Variants in ZNF641 observed in about 807,000 individuals in gnomAD.
ZNF641 encodes zinc finger protein 641.
Under a neutral mutation model 46.2 loss-of-function variants are expected in ZNF641, and 26 were observed. The ratio of observed to expected loss-of-function variants is 0.56; its 90% CI spans 0.41 to 0.78. ZNF641 has a LOEUF of 0.78. ZNF641 is among the 30% of genes least tolerant of loss of function. The probability of loss-of-function intolerance (pLI) is 0.00; values close to 1 mark genes in which losing one functional copy is unlikely to be tolerated. For synonymous variants in ZNF641, 163 were observed against 187.9 expected (o/e 0.87, Z 1.09); for missense variants, 469 against 517.8 (o/e 0.91, Z 0.91).
In ZNF641 at chr12:48,341,405, C is replaced by T. The variant is rs1352623128; in HGVS notation, c.*1568G>A. On this transcript the variant is annotated 3_prime_UTR_variant, in exon 6 of 6. Coordinates refer to ENST00000547026, the MANE Select transcript of ZNF641 (RefSeq NM_001172681.2). ...ATTATTGATAAAGAGAAACAATGAC[C>T]AACTCATTAGCTAACGATGCTAGAA... 2.0e-6 allele frequency: 2 copies of T among 985,232 alleles called. No individual in the cohort carries two copies. The highest frequency in any genetic ancestry group is 1.2e-6 in the Non-Finnish European group (1 of 829,940). 61.0% of individuals were successfully genotyped at this position (985,232 alleles called of 1,614,324 possible). A position where few individuals can be genotyped will look rare whatever the true frequency, so the allele number is the denominator to read the frequency against.
Position 48,343,664 on chromosome 12 carries a change from G to C in ZNF641, c.584C>G (p.Ser195Cys), listed in dbSNP as rs1478424612. The change falls in exon 6 of 6, where the codon TCC becomes TGC. Residue 195 changes from serine to cysteine, a missense_variant. By Grantham distance (112) the Ser-to-Cys change is moderately radical. This residue lies in a region of ZNF641 where 346 missense variants were observed against 354.0 expected (regional missense o/e 0.98). Transcript: ENST00000547026. ...ELEAEPPRML[S>C]SVSEDTVLWN... The stretch of plus-strand genomic sequence containing the variant: ...GAGAACAGTATCTTCAGACACGCTG[G>C]ATAACATTCTGGGAGGTTCTGCTTC... The C allele has an allele frequency of 1.3e-6, 2 of 1,555,884 alleles. No individual in the cohort carries two copies. Among genetic ancestry groups the C allele is most frequent in the Non-Finnish European group, 1.7e-6 (2 of 1,152,942 alleles).
chr12:48,341,213 G>A lies in ZNF641; in HGVS notation c.*1760C>T. On this transcript the variant is annotated 3_prime_UTR_variant, in exon 6 of 6. Transcript: ENST00000547026. ...AAATTGGTGCAATTCACTTCCTCTTGCCTCTCTGGTTCATTCCACCAATTG... is the reference window on the plus strand; with the variant it reads ...AAATTGGTGCAATTCACTTCCTCTTACCTCTCTGGTTCATTCCACCAATTG... 1.0e-6 allele frequency: 1 copy of A among 985,428 alleles called. No homozygotes were observed. The highest frequency in any genetic ancestry group is 1.2e-6 in the Non-Finnish European group (1 of 829,932). 61.0% of individuals were successfully genotyped at this position (985,428 alleles called of 1,614,324 possible). A position where few individuals can be genotyped will look rare whatever the true frequency, so the allele number is the denominator to read the frequency against.
Position 48,340,397 on chromosome 12 carries a change from A to C in ZNF641, c.*2576T>G. 2.0e-6 allele frequency: 2 copies of C among 985,452 alleles called. No homozygotes were observed. Among genetic ancestry groups the C allele is most frequent in the Non-Finnish European group, 1.2e-6 (1 of 829,934 alleles). 61.0% of individuals were successfully genotyped at this position (985,452 alleles called of 1,614,324 possible). A position where few individuals can be genotyped will look rare whatever the true frequency, so the allele number is the denominator to read the frequency against. The stretch of plus-strand genomic sequence containing the variant: ...CTAATAGTAAGGAATATCACTTCCC[A>C]CAAGTCCTTCAAACAAGATTTGTGA... On this transcript the variant is annotated 3_prime_UTR_variant, in exon 6 of 6. Transcript: ENST00000547026.
chr12:48,334,852 C>G (rs1437991582), downstream of ZNF641, among the ~76,000 whole-genome samples: 1 of 152,126 alleles, frequency 6.6e-6, no homozygotes, highest in Non-Finnish European at 1.5e-5. Flanking sequence ...GGGACCGCAC[C>G]TGTACCCTCC....
Position 48,343,155 on chromosome 12 carries a change from T to TC in ZNF641, c.1092dup (p.Lys365GlufsTer28), listed in dbSNP as rs761502618. The stretch of plus-strand genomic sequence containing the variant: ...AGGTGGTGCCTTCGGCCAAAGCTCT[T>TC]CCCACATTCAGTGCACACGTGACAC... On this transcript the variant is annotated frameshift_variant, in exon 6 of 6. Coordinates refer to ENST00000547026, the MANE Select transcript of ZNF641 (RefSeq NM_001172681.2). LOFTEE classifies it high-confidence loss of function. The TC allele has an allele frequency of 6.2e-7, 1 of 1,614,194 alleles. No individual in the cohort carries two copies. The highest frequency in any genetic ancestry group is 8.5e-7 in the Non-Finnish European group (1 of 1,180,032).
rs2136180061 is a variant in ZNF641 at position 48,344,584 on chromosome 12, A to G, written c.520+15T>C. 1 of 1,546,444 alleles carries G rather than the reference A, an allele frequency of 6.5e-7. No individual in the cohort carries two copies. Among genetic ancestry groups the G allele is most frequent in the East Asian group, 2.2e-5 (1 of 44,516 alleles). ...CTGTGAAGGAAGTGGCTGAAAGCCT[A>G]TTCTAGGTTCTTACCTGTATATGTG... On this transcript the variant is annotated intron_variant, in intron 5 of 5. Coordinates refer to ENST00000547026, the MANE Select transcript of ZNF641 (RefSeq NM_001172681.2).
downstream of ZNF641, among the ~76,000 whole-genome samples, chr12:48,334,999 T>C (rs1470195752): frequency 6.6e-6 from 1 of 152,208 alleles, no homozygotes; most frequent in East Asian, 1.9e-4. Flanking sequence ...CCAGAGCTAA[T>C]TGTAATATCA....
At chr12:48,335,160 C>T (rs1186305144), downstream of ZNF641, among the ~76,000 whole-genome samples, 2 of 152,204 alleles carry the variant, frequency 1.3e-5, no homozygotes, top group African/African-American at 4.8e-5. Context: ...TCTTTTGCCA[C>T]ATAAAAAACC....
downstream of ZNF641, among the ~76,000 whole-genome samples, chr12:48,335,948 T>C (rs746893366): frequency 1.2e-4 from 18 of 152,248 alleles, no homozygotes; most frequent in Non-Finnish European, 2.4e-4. Context: ...CTGCTTAGTG[T>C]AATGCTGATC....
rs1277548784 is a variant in ZNF641 at position 48,337,615 on chromosome 12, T to C, written c.*5358A>G. 1 of 150,008 alleles carries C rather than the reference T, an allele frequency of 6.7e-6. No homozygotes were observed. Among genetic ancestry groups the C allele is most frequent in the African/African-American group, 2.5e-5 (1 of 40,554 alleles). 9.3% of individuals were successfully genotyped at this position (150,008 alleles called of 1,614,324 possible). A position where few individuals can be genotyped will look rare whatever the true frequency, so the allele number is the denominator to read the frequency against. ...GTGGGTGGATCACGAGGTCAAGAGATTGAGACCATCCTGGCTAACACCGTG... is the reference window on the plus strand; with the variant it reads ...GTGGGTGGATCACGAGGTCAAGAGACTGAGACCATCCTGGCTAACACCGTG... On this transcript the variant is annotated 3_prime_UTR_variant, in exon 6 of 6. Coordinates refer to ENST00000547026, the MANE Select transcript of ZNF641 (RefSeq NM_001172681.2).
chr12:48,350,921 C>CGGGCG (rs1162302278), upstream of ZNF641: 297 of 930,690 alleles, frequency 3.2e-4, no homozygotes, highest in Admixed American at 5.1e-3. Context: ...CCGGCAGGCG[C>CGGGCG]GGGCGGGGCG....
At chr12:48,335,540 G>A (rs539905777), downstream of ZNF641, among the ~76,000 whole-genome samples, 11 of 152,188 alleles carry the variant, frequency 7.2e-5, no homozygotes, top group African/African-American at 2.4e-4. Flanking sequence ...TGCAAGAACA[G>A]TAGCAGACAT....
At position 48,342,367 on chromosome 12, in the gene ZNF641, A is replaced by G; in HGVS notation, c.*606T>C. On this transcript the variant is annotated 3_prime_UTR_variant, in exon 6 of 6. Transcript: ENST00000547026. ...CCCCTGGCTTTCATATGGATAAAAA[A>G]GGGGGCTCTGGATGCCTGATCACTA... 1 of 985,766 alleles carries G rather than the reference A, an allele frequency of 1.0e-6. No homozygotes were observed. The highest frequency in any genetic ancestry group is 1.7e-5 in the African/African-American group (1 of 57,338). The allele number at this position is 985,766 out of a possible 1,614,324, so 61.1% of individuals were successfully genotyped here.
At position 48,343,389 on chromosome 12, in the gene ZNF641, A is replaced by C. The variant is rs1466742993; in HGVS notation, c.859T>G (p.Phe287Val). 1 of 1,614,012 alleles carries C rather than the reference A, an allele frequency of 6.2e-7. No individual in the cohort carries two copies. Among genetic ancestry groups the C allele is most frequent in the East Asian group, 2.2e-5 (1 of 44,844 alleles). Residue 287 changes from phenylalanine (F) to valine (V), a missense_variant, in exon 6 of 6, where the codon TTT becomes GTT. Around this residue, in one of 3 missense-constraint regions of ZNF641, gnomAD observed 346 missense variants for 354.0 expected, o/e 0.98. Coordinates refer to ENST00000547026, the MANE Select transcript of ZNF641 (RefSeq NM_001172681.2). ...CTGATGAGGTGATGTCTTCGCCCAAAGGTCTTCTCACACTTGAGGCAGCTG... is the reference window on the plus strand; with the variant it reads ...CTGATGAGGTGATGTCTTCGCCCAACGGTCTTCTCACACTTGAGGCAGCTG... ...PYSCLKCEKT[F>V]GRRHHLIRHQ...
At position 48,347,264 on chromosome 12, in the gene ZNF641, C is replaced by T. The variant is rs147559195; in HGVS notation, c.264G>A (p.Ala88=). The T allele has an allele frequency of 2.2e-5, 36 of 1,613,944 alleles. No individual in the cohort carries two copies. Among genetic ancestry groups the T allele is most frequent in the Middle Eastern group, 1.7e-4 (1 of 6,044 alleles). Residue 88 remains alanine, a synonymous_variant, in exon 3 of 6, where the codon GCG becomes GCA. Coordinates refer to ENST00000547026, the MANE Select transcript of ZNF641 (RefSeq NM_001172681.2). The part of the protein sequence containing the change: ...GDWEMAAALL[A]AGSQGLVTIK... Reference sequence around the variant, plus strand: ...AAGCAGAGCTCACCTGTGATCCAGCCGCAAGAAGTGCAGCTGCCATCTCCC... The same window carrying T: ...AAGCAGAGCTCACCTGTGATCCAGCTGCAAGAAGTGCAGCTGCCATCTCCC...
intron 3 of ZNF641, 192 bp downstream of exon 3, chr12:48,347,060 T>A: frequency 9.5e-7 from 1 of 1,053,562 alleles, no homozygotes; most frequent in African/African-American, 1.6e-5. Context: ...CTCAAGGAAT[T>A]CCCTTTCTTG....
intron 4 of ZNF641, 23 bp downstream of exon 4, chr12:48,345,322 T>A (rs1952838590): frequency 6.2e-7 from 1 of 1,612,742 alleles, no homozygotes; most frequent in South Asian, 1.1e-5. Context: ...AATCTTCTAG[T>A]GGCTGGAGAA....
rs1366818531 is a variant in ZNF641 at position 48,343,112 on chromosome 12, G to A, written c.1136C>T (p.Thr379Ile). Residue 379 changes from threonine (T) to isoleucine (I), a missense_variant, in exon 6 of 6, where the codon ACC becomes ATC. Thr to Ile is a moderately conservative substitution (Grantham distance 89). Coordinates refer to ENST00000547026, the MANE Select transcript of ZNF641 (RefSeq NM_001172681.2). Reference sequence around the variant, plus strand: ...CTGGAAGGGCTTCTCCCCAGTGTGGGTCAGCCAGTGTCTCACAAGGTGGTG... The same window carrying A: ...CTGGAAGGGCTTCTCCCCAGTGTGGATCAGCCAGTGTCTCACAAGGTGGTG... ...RRHHLVRHWLTHTGEKPFQCP... is the reference protein window; with the variant it reads ...RRHHLVRHWLIHTGEKPFQCP... The A allele has an allele frequency of 5.6e-6, 9 of 1,614,148 alleles. No homozygotes were observed. The highest frequency in any genetic ancestry group is 5.0e-5 in the Admixed American group (3 of 60,014).
At position 48,345,364 on chromosome 12, in the gene ZNF641, A is replaced by G. The variant is rs1389691595; in HGVS notation, c.387T>C (p.Cys129=). Residue 129 remains cysteine, a synonymous_variant, in exon 4 of 6, where the codon TGT becomes TGC. Coordinates refer to ENST00000547026, the MANE Select transcript of ZNF641 (RefSeq NM_001172681.2). Reference sequence around the variant, plus strand: ...GCTTACTCAGAGAGACTACTATCCCACAGTTTTCCTGCATGACATATTCTC... The same window carrying G: ...GCTTACTCAGAGAGACTACTATCCCGCAGTTTTCCTGCATGACATATTCTC... The part of the protein sequence containing the change: ...FYGEYVMQEN[C]GIVVSLRFPI... 1.2e-6 allele frequency: 2 copies of G among 1,613,912 alleles called. No homozygotes were observed. The highest frequency in any genetic ancestry group is 1.7e-6 in the Non-Finnish European group (2 of 1,179,980).
Sources: gnomAD v4.1 joint callset for allele counts (sites outside exome capture counted in the v4.1 genomes callset) on GRCh38, gnomAD v4.1.1 for gene constraint, gnomAD v4.1.1 regional missense constraint, MANE v1.5 for transcripts, NCBI Gene and HGNC (gene_info 2026-07-23, HGNC 2026-07-21) for gene names.